TRPM3: variants seen among roughly 807,000 people sequenced by gnomAD.
TRPM3 encodes long transient receptor potential channel 3.
A neutral mutation model predicts 181.2 loss-of-function variants in TRPM3; 77 were observed. That is an observed-to-expected ratio of 0.42 (90% CI 0.35 to 0.51). The LOEUF (loss-of-function observed/expected upper bound fraction) is 0.51, where lower values mean the gene tolerates loss of function less well. Among genes scored for constraint, TRPM3 ranks in the 20% least tolerant of loss-of-function variants. The pLI, the probability that TRPM3 is intolerant of heterozygous loss-of-function variation, is 0.01. For missense variants in TRPM3, 1,759 were observed against 2,196.7 expected, an observed-to-expected ratio of 0.80 and a Z score of 3.98; for synonymous variants, 745 against 796.4, an observed-to-expected ratio of 0.94 and a Z score of 1.09.
At chr9:71,031,974 A>ATATATATATATATAT (rs1170851007) in intron 1 of TRPM3, among the ~76,000 whole-genome samples, 12 of 48 alleles carry the variant, frequency 0.25, no homozygotes, top group Non-Finnish European at 0.42. Flanking sequence ...TATATATATT[A>ATATATATATATATAT]TATATATATA....
intron 5 of TRPM3, among the ~76,000 whole-genome samples, chr9:70,835,367 T>C (rs2094244487): frequency 6.6e-6 from 1 of 152,174 alleles, no homozygotes; most frequent in Non-Finnish European, 1.5e-5. Flanking sequence ...ATTATCATTA[T>C]TATCTTCTTG....
In TRPM3 at chr9:70,658,913, T is replaced by C. The variant is rs370699712; in HGVS notation, c.1346-18253A>G. On this transcript the variant is annotated intron_variant, in intron 9 of 25. Coordinates refer to ENST00000677713, the MANE Select transcript of TRPM3 (RefSeq NM_001366145.2). Reference sequence around the variant, plus strand: ...AGATTGAAGTAATCTTTTTGACTTTTGGTTTAAAATGTTGCTGATCATTTG... The same window carrying C: ...AGATTGAAGTAATCTTTTTGACTTTCGGTTTAAAATGTTGCTGATCATTTG... Among the ~76,000 whole-genome samples, 207 of 152,194 alleles carry C rather than the reference T, an allele frequency of 1.4e-3. 3 individuals are homozygous for C. In the South Asian group the frequency reaches 0.02, roughly 15 times the overall value.
intron 9 of TRPM3, among the ~76,000 whole-genome samples, chr9:70,673,125 CT>C: frequency 6.6e-6 from 1 of 152,096 alleles, no homozygotes; most frequent in East Asian, 1.9e-4. Flanking sequence ...CTTTCACACT[CT>C]TTGGTTTCAA....
rs567166589 is a variant in TRPM3, at chr9:71,293,046, C to T, written c.183+153607G>A. Among the ~76,000 whole-genome samples the T allele has an allele frequency of 3.7e-4, 56 of 151,972 alleles. 1 individual carries two copies. In the East Asian group the frequency reaches 9.6e-3, roughly 26 times the overall value. ...AGCTACAGTTCAAAGAAAGAAAAGT[C>T]TACATATTCATCTCAATATATTTGG... On this transcript the variant is annotated intron_variant, in intron 1 of 24. Coordinates refer to the TRPM3 transcript ENST00000357533.
At chr9:71,025,051 G>A (rs1019543278) in intron 1 of TRPM3, among the ~76,000 whole-genome samples, 20 of 152,132 alleles carry the variant, frequency 1.3e-4, no homozygotes, top group African/African-American at 4.3e-4. Flanking sequence ...ACATACCATT[G>A]TAATGTGAAT....
intron 1 of TRPM3, among the ~76,000 whole-genome samples, chr9:71,035,909 T>G (rs1011854968): frequency 1.3e-5 from 2 of 151,220 alleles, no homozygotes; most frequent in African/African-American, 2.4e-5. Flanking sequence ...TAGAGGATGT[T>G]ATATAAAGAA....
At chr9:71,255,779 G>A (rs905068053) in intron 1 of TRPM3, among the ~76,000 whole-genome samples, 2 of 152,014 alleles carry the variant, frequency 1.3e-5, no homozygotes, top group African/African-American at 4.8e-5. Context: ...TAAAATAATG[G>A]GTTTCTATAT....
intron 1 of TRPM3, among the ~76,000 whole-genome samples, chr9:71,362,168 G>A (rs2092174003): frequency 6.6e-6 from 1 of 152,208 alleles, no homozygotes; most frequent in Non-Finnish European, 1.5e-5. Context: ...AGGGAATTCA[G>A]GCAGGGTTCC....
intron 1 of TRPM3, among the ~76,000 whole-genome samples, chr9:71,098,387 T>C (rs548063486): frequency 6.6e-6 from 1 of 152,282 alleles, no homozygotes; most frequent in Admixed American, 6.5e-5. Flanking sequence ...GGAGCAGATA[T>C]GTGTGTGGAA....
chr9:71,398,626 C>T (rs551116354), intron 1 of TRPM3, among the ~76,000 whole-genome samples: 199 of 152,302 alleles, frequency 1.3e-3, no homozygotes, highest in South Asian at 8.7e-3. Context: ...TCCCCTTTGC[C>T]TTCCACCATG....
chr9:71,382,669 A>G (rs139731920), intron 1 of TRPM3, among the ~76,000 whole-genome samples: 114 of 148,698 alleles, frequency 7.7e-4, no homozygotes, highest in African/African-American at 2.7e-3. Context: ...GAGCAATATA[A>G]CTTTTATATC....
chr9:70,873,480 C>T lies in TRPM3; in HGVS notation c.178-8969G>A, dbSNP rs117120236. On this transcript the variant is annotated intron_variant, in intron 1 of 25. Coordinates refer to ENST00000677713, the MANE Select transcript of TRPM3 (RefSeq NM_001366145.2). Reference sequence around the variant, plus strand: ...ATTTCTTCATTTCTGTACAAATCTTCGTACACTTTACGCTCCAGCAAACCA... The same window carrying T: ...ATTTCTTCATTTCTGTACAAATCTTTGTACACTTTACGCTCCAGCAAACCA... 5.3e-5 allele frequency among the ~76,000 whole-genome samples: 8 copies of T among 152,108 alleles called. No homozygotes were observed. In the East Asian group the frequency reaches 9.7e-4, roughly 18 times the overall value.
chr9:70,669,180 C>G (rs113481650), intron 9 of TRPM3, among the ~76,000 whole-genome samples: 2,598 of 152,310 alleles, frequency 0.017, 73 homozygotes, highest in African/African-American at 0.059. Context: ...AAATAATTGA[C>G]CTGGGTGTCT....
chr9:70,975,100 C>T (rs1187679487), intron 1 of TRPM3, among the ~76,000 whole-genome samples: 1 of 151,970 alleles, frequency 6.6e-6, no homozygotes, highest in East Asian at 1.9e-4. Flanking sequence ...AACTCCTGAC[C>T]TCAGGTGATC....
chr9:71,224,415 A>C (rs1400082250), intron 1 of TRPM3, among the ~76,000 whole-genome samples: 1 of 152,222 alleles, frequency 6.6e-6, no homozygotes, highest in Non-Finnish European at 1.5e-5. Flanking sequence ...AATACCTGGA[A>C]AGCCTTCCCA....
rs556520098 is a variant in TRPM3, at chr9:71,028,388, T to C, written c.177+92790A>G. On this transcript the variant is annotated intron_variant, in intron 1 of 25. Transcript: ENST00000677713. ...GCACCTACACACATCAGTGATACTA[T>C]AAAGCAACCACACAAACAAATTAGC... is the stretch of plus-strand genomic sequence containing the variant. Among the ~76,000 whole-genome samples the C allele has an allele frequency of 1.2e-4, 18 of 152,218 alleles. No homozygotes were observed. The South Asian group carries it at 3.5e-3, about 30-fold the overall frequency.
intron 1 of TRPM3, among the ~76,000 whole-genome samples, chr9:71,040,847 C>T (rs1158140195): frequency 6.6e-6 from 1 of 152,072 alleles, no homozygotes; most frequent in Non-Finnish European, 1.5e-5. Flanking sequence ...AGGCATCAGA[C>T]AAACTCAAAT....
upstream of TRPM3, among the ~76,000 whole-genome samples, chr9:71,124,654 C>T (rs2073924776): frequency 2.0e-5 from 3 of 152,152 alleles, no homozygotes. Context: ...ATTCTCAATA[C>T]TGACAAGGCG....
chr9:70,559,757 G>A (rs898351060), intron 22 of TRPM3, among the ~76,000 whole-genome samples: 7 of 152,086 alleles, frequency 4.6e-5, no homozygotes, highest in African/African-American at 1.7e-4. Flanking sequence ...TTCTTTTCAG[G>A]AGCCTCCTCA....
Sources: allele counts gnomAD v4.1 joint callset (sites outside exome capture counted in the v4.1 genomes callset), GRCh38; gene constraint gnomAD v4.1.1; transcripts MANE v1.5; gene names NCBI Gene and HGNC (gene_info 2026-07-23, HGNC 2026-07-21).